The following RBFOX3 variants were observed in gnomAD, a reference collection of about 807,000 sequenced individuals.
The protein encoded by RBFOX3 is RNA binding protein fox-1 homolog 3.
Under a neutral mutation model 48.7 loss-of-function variants are expected in RBFOX3, and 17 were observed. The observed-to-expected ratio is 0.35, with a 90% CI of 0.24 to 0.52. RBFOX3 has a LOEUF of 0.52. RBFOX3 is among the 20% of genes least tolerant of loss of function. RBFOX3 has a pLI of 0.94. For synonymous variants in RBFOX3, 212 were observed against 209.5 expected (o/e 1.01, Z -0.10); for missense variants, 382 against 497.5 (o/e 0.77, Z 2.21).
chr17:79,446,576 G>A (rs576679259), intron 2 of RBFOX3, among the ~76,000 whole-genome samples: 5 of 152,280 alleles, frequency 3.3e-5, no homozygotes, highest in East Asian at 3.9e-4. Flanking sequence ...CTATGGCAAC[G>A]CTCCTGGGCA....
intron 3 of RBFOX3, among the ~76,000 whole-genome samples, chr17:79,278,524 G>T (rs1356878217): frequency 1.4e-5 from 2 of 141,238 alleles, no homozygotes; most frequent in Non-Finnish European, 3.1e-5. Flanking sequence ...GGCCCTTGCA[G>T]TGAGGTGGGG....
chr17:79,227,565 A>T (rs2060456762), intron 4 of RBFOX3, among the ~76,000 whole-genome samples: 1 of 152,210 alleles, frequency 6.6e-6, no homozygotes, highest in African/African-American at 2.4e-5. Context: ...GATTCAGCAC[A>T]GGGCCCCGCT....
intron 1 of RBFOX3, among the ~76,000 whole-genome samples, chr17:79,591,424 G>A (rs2093413117): frequency 6.6e-6 from 1 of 152,218 alleles, no homozygotes; most frequent in African/African-American, 2.4e-5. Context: ...AGAACCCCCA[G>A]CCAGGCTGCG....
chr17:79,130,782 C>T (rs2038644909), intron 4 of RBFOX3, among the ~76,000 whole-genome samples: 1 of 152,272 alleles, frequency 6.6e-6, no homozygotes, highest in South Asian at 2.1e-4. Context: ...TGTCCTTCAG[C>T]CCGGGCTTGG....
At chr17:79,092,652 A>G (rs2074167433) in intron 14 of RBFOX3, 1 of 987,172 alleles carries the variant, frequency 1.0e-6, no homozygotes, top group African/African-American at 1.7e-5. Context: ...CTGCAACATC[A>G]AAGATGAAAA....
intron 4 of RBFOX3, chr17:79,234,814 C>T (rs559332260): frequency 7.0e-6 from 1 of 143,148 alleles, no homozygotes; most frequent in Non-Finnish European, 1.5e-5. Context: ...CTCATGCAAC[C>T]TCCGCCTCCC....
intron 3 of RBFOX3, among the ~76,000 whole-genome samples, chr17:79,279,285 G>C (rs2069677790): frequency 1.3e-5 from 2 of 152,178 alleles, no homozygotes; most frequent in Non-Finnish European, 2.9e-5. Context: ...ATGGGTCCTG[G>C]CACACAGTAG....
At chr17:79,516,397 C>G (rs1197437638) in intron 1 of RBFOX3, among the ~76,000 whole-genome samples, 1 of 152,256 alleles carries the variant, frequency 6.6e-6, no homozygotes, top group Non-Finnish European at 1.5e-5. Context: ...CCTGGAGAAC[C>G]AGGATACCCA....
intron 1 of RBFOX3, among the ~76,000 whole-genome samples, chr17:79,595,549 G>A (rs2093547198): frequency 6.6e-6 from 1 of 152,226 alleles, no homozygotes; most frequent in Admixed American, 6.5e-5. Context: ...CCCACCGTGT[G>A]TATGAATAGG....
the RBFOX3 span, among the ~76,000 whole-genome samples, chr17:79,652,745 C>T: frequency 1.3e-5 from 2 of 151,780 alleles, no homozygotes; most frequent in African/African-American, 4.8e-5. Flanking sequence ...GGAGTTCCAG[C>T]ATTTGATAAA....
In RBFOX3 at chr17:79,262,599, A is replaced by G. The variant is rs141275151; in HGVS notation, c.-73-26794T>C. ...TATTCCAGTCTCAAGAGGTGGAGGGAGGCCCAGGCTGGTGGGAAGGGCTGT... is the reference window on the plus strand; with the variant it reads ...TATTCCAGTCTCAAGAGGTGGAGGGGGGCCCAGGCTGGTGGGAAGGGCTGT... On this transcript the variant is annotated intron_variant, in intron 3 of 14. Coordinates refer to ENST00000693108, the MANE Select transcript of RBFOX3 (RefSeq NM_001350451.2). 5.1e-3 allele frequency among the ~76,000 whole-genome samples: 770 copies of G among 152,272 alleles called. 5 individuals carry two copies. The highest frequency in any genetic ancestry group is 0.018 in the African/African-American group (729 of 41,566).
At position 79,477,295 on chromosome 17, in the gene RBFOX3, A is replaced by C. The variant is rs369879802; in HGVS notation, c.-175+5159T>G. On this transcript the variant is annotated intron_variant, in intron 2 of 14. Transcript: ENST00000693108. This position sits in a 1 kb window ranked among gnomAD's most constrained non-coding sequence, Gnocchi z 4.8. ...AAAAAAAGAGGGCGCGGTGGCTCACACCTGTAATCCCAGCACTTTGGGAGG... is the reference window on the plus strand; with the variant it reads ...AAAAAAAGAGGGCGCGGTGGCTCACCCCTGTAATCCCAGCACTTTGGGAGG... Among the ~76,000 whole-genome samples the C allele has an allele frequency of 8.3e-5, 12 of 144,004 alleles. No individual in the cohort carries two copies. The highest frequency in any genetic ancestry group is 4.2e-4 in the East Asian group (2 of 4,804). The allele number at this position is 144,004 out of a possible 152,430, so 94.5% of individuals were successfully genotyped here.
chr17:79,178,669 C>T (rs1254480290), intron 4 of RBFOX3, among the ~76,000 whole-genome samples: 4 of 152,186 alleles, frequency 2.6e-5, no homozygotes, highest in African/African-American at 7.2e-5. Flanking sequence ...CAAATGTAAC[C>T]GAGCTACTTC....
chr17:79,184,088 G>T (rs1385885020), intron 4 of RBFOX3, among the ~76,000 whole-genome samples: 1 of 147,218 alleles, frequency 6.8e-6, no homozygotes, highest in Non-Finnish European at 1.5e-5. Context: ...AAGGGAGGCC[G>T]GCTCAGTGGC....
rs989875268 is a variant in RBFOX3, at chr17:79,254,058, C to A, written c.-73-18253G>T. Among the ~76,000 whole-genome samples, 5 of 152,214 alleles carry A rather than the reference C, an allele frequency of 3.3e-5. No individual in the cohort carries two copies. The highest frequency in any genetic ancestry group is 7.3e-5 in the Non-Finnish European group (5 of 68,038). Reference sequence around the variant, plus strand: ...GCCTTCTCCCCAGCTGGTGGCAGGACTTCTGAGTCCTCCATGGTGCAAATG... The same window carrying A: ...GCCTTCTCCCCAGCTGGTGGCAGGAATTCTGAGTCCTCCATGGTGCAAATG... On this transcript the variant is annotated intron_variant, in intron 3 of 14. Transcript: ENST00000693108. This position sits in a 1 kb window ranked among gnomAD's most constrained non-coding sequence, Gnocchi z 4.8.
At chr17:79,502,488 A>G (rs2082517577) in intron 1 of RBFOX3, among the ~76,000 whole-genome samples, 1 of 152,236 alleles carries the variant, frequency 6.6e-6, no homozygotes. Context: ...GGGCCACTTT[A>G]AAATCATCAA....
intron 4 of RBFOX3, among the ~76,000 whole-genome samples, chr17:79,178,178 C>T (rs909537459): frequency 2.6e-5 from 4 of 152,248 alleles, no homozygotes; most frequent in African/African-American, 9.6e-5. Context: ...CCAGCCAGAG[C>T]TCCCTGCTCA....
intron 2 of RBFOX3, among the ~76,000 whole-genome samples, chr17:79,371,428 TGTG>T (rs2058526140): frequency 6.6e-6 from 1 of 152,206 alleles, no homozygotes; most frequent in African/African-American, 2.4e-5. Context: ...TCCTGCTCCC[TGTG>T]GGGGCAAGAG....
intron 3 of RBFOX3, among the ~76,000 whole-genome samples, chr17:79,266,271 C>T (rs962491320): frequency 5.3e-5 from 8 of 152,232 alleles, no homozygotes; most frequent in African/African-American, 1.9e-4. Context: ...GCACATTCCC[C>T]TTGAGGACAT....
Sources: allele counts gnomAD v4.1 joint callset (sites outside exome capture counted in the v4.1 genomes callset), GRCh38; gene constraint gnomAD v4.1.1; non-coding constraint Gnocchi (gnomAD v3.1); transcripts MANE v1.5; gene names NCBI Gene and HGNC (gene_info 2026-07-23, HGNC 2026-07-21).